The following HGS variants were observed in gnomAD, a reference collection of about 807,000 sequenced individuals.
The protein encoded by HGS is hepatocyte growth factor-regulated tyrosine kinase substrate, also known as human growth factor-regulated tyrosine kinase substrate.
In HGS, 63 loss-of-function variants were observed where a neutral mutation model predicts 109.7. That is an observed-to-expected ratio of 0.57 (90% CI 0.47 to 0.71). The LOEUF is 0.71. Ranked by LOEUF, HGS falls within the 30% of genes least tolerant of loss-of-function variation. The pLI is 0.00. For synonymous variants in HGS, 546 were observed against 437.3 expected (o/e 1.25, Z -3.10); for missense variants, 995 against 1,068.3 (o/e 0.93, Z 0.96).
At chr17:81,696,134 G>A (rs2037142533) in intron 15 of HGS, 135 bp downstream of exon 15, 1 of 931,116 alleles carries the variant, frequency 1.1e-6, no homozygotes, top group East Asian at 2.7e-5. Flanking sequence ...TCCAGAGAGT[G>A]TCAACAGGAG....
intron 2 of HGS, 43 bp from the exon 3 acceptor site, chr17:81,686,269 T>A: frequency 6.5e-7 from 1 of 1,545,728 alleles, no homozygotes; most frequent in Non-Finnish European, 8.9e-7. Context: ...TGAGACTATT[T>A]TTTTCCCGTT....
chr17:81,690,031 TG>T lies in HGS; in HGVS notation c.416-146del, dbSNP rs1178579669. On this transcript the variant is annotated intron_variant, in intron 5 of 21. Transcript: ENST00000329138. ...GAGGCCCCATGGGGACACCCAATCT[TG>T]GGGGCAGGAGGCTGTCTCGGTGCCC... The T allele has an allele frequency of 7.0e-6, 5 of 711,906 alleles. No homozygotes were observed. In the African/African-American group the frequency reaches 7.3e-5, roughly 10 times the overall value. The allele number at this position is 711,906 out of a possible 1,614,324, so 44.1% of individuals were successfully genotyped here. A position where few individuals can be genotyped will look rare whatever the true frequency, so the allele number is the denominator to read the frequency against.
chr17:81,691,345 C>G lies in HGS; in HGVS notation c.538-102C>G. Reference sequence around the variant, plus strand: ...CTGCTTGTCCCTTGCCTTCCCCCACCTGTGAGGCCCAGCTTCGGCATCGTA... The same window carrying G: ...CTGCTTGTCCCTTGCCTTCCCCCACGTGTGAGGCCCAGCTTCGGCATCGTA... On this transcript the variant is annotated intron_variant, in intron 7 of 21. Transcript: ENST00000329138. This position sits in a 1 kb window ranked among gnomAD's most constrained non-coding sequence, Gnocchi z 5.3. The G allele has an allele frequency of 2.1e-6, 3 of 1,460,960 alleles. No individual in the cohort carries two copies. Among genetic ancestry groups the G allele is most frequent in the Non-Finnish European group, 1.9e-6 (2 of 1,063,052 alleles). The allele number at this position is 1,460,960 out of a possible 1,614,324, so 90.5% of individuals were successfully genotyped here. A position where few individuals can be genotyped will look rare whatever the true frequency, so the allele number is the denominator to read the frequency against.
rs1320965036 is a variant in HGS at position 81,701,618 on chromosome 17, A to AC, written c.*3dup. On this transcript the variant is annotated 3_prime_UTR_variant, in exon 22 of 22. Coordinates refer to ENST00000329138, the MANE Select transcript of HGS (RefSeq NM_004712.5). ...AGGCCCAGCTCATTTCATTCGACTG[A>AC]CCCAGGCCATGCTCACGTCCGGAGT... The AC allele has an allele frequency of 2.6e-6, 4 of 1,560,406 alleles. No individual in the cohort carries two copies. The highest frequency in any genetic ancestry group is 2.7e-5 in the African/African-American group (2 of 73,666).
Position 81,691,368 on chromosome 17 carries a change from G to C in HGS, c.538-79G>C, listed in dbSNP as rs1230866867. On this transcript the variant is annotated intron_variant, in intron 7 of 21. Coordinates refer to ENST00000329138, the MANE Select transcript of HGS (RefSeq NM_004712.5). The surrounding 1 kb of genome is among the most constrained non-coding windows in gnomAD (Gnocchi z 5.3). ...ACCTGTGAGGCCCAGCTTCGGCATC[G>C]TACGGGGTGGTTCTGGGCCGGGTGG... 5 of 1,582,246 alleles carry C rather than the reference G, an allele frequency of 3.2e-6. No homozygotes were observed. The Admixed American group carries it at 8.4e-5, about 27-fold the overall frequency.
chr17:81,686,983 C>A lies in HGS; in HGVS notation c.199-20C>A. 6.2e-7 allele frequency: 1 copy of A among 1,605,336 alleles called. No individual in the cohort carries two copies. The highest frequency in any genetic ancestry group is 8.5e-7 in the Non-Finnish European group (1 of 1,174,212). ...TGCCCTGACCACTGGCCCAACCCTT[C>A]CCTTCCTGGGCATCTGCAGGTCATG... On this transcript the variant is annotated intron_variant, in intron 3 of 21. Transcript: ENST00000329138.
chr17:81,690,119 G>A, intron 5 of HGS, 63 bp from the exon 6 acceptor site: 1 of 1,550,818 alleles, frequency 6.4e-7, no homozygotes, highest in Admixed American at 1.7e-5. Flanking sequence ...AGTGAGGAAG[G>A]GGCTCCCGGA....
In HGS at chr17:81,701,913, C is replaced by A; in HGVS notation, c.*295C>A. On this transcript the variant is annotated 3_prime_UTR_variant, in exon 22 of 22. Coordinates refer to ENST00000329138, the MANE Select transcript of HGS (RefSeq NM_004712.5). ...CTGTGAGAGGTGGCAGGAATGGGGA[C>A]CCTCACCCCCCAAGCAGCCTGTGCC... is the stretch of plus-strand genomic sequence containing the variant. The A allele has an allele frequency of 3.5e-6, 1 of 289,240 alleles. No homozygotes were observed. Among genetic ancestry groups the A allele is most frequent in the Non-Finnish European group, 6.4e-6 (1 of 156,096 alleles). The allele number at this position is 289,240 out of a possible 1,614,324, so 17.9% of individuals were successfully genotyped here.
chr17:81,701,432 T>C, intron 21 of HGS, 76 bp from the exon 22 acceptor site: 1 of 1,441,278 alleles, frequency 6.9e-7, no homozygotes, highest in Non-Finnish European at 9.3e-7. Flanking sequence ...GGTCTGTGGC[T>C]CTGCTGGGAC....
At position 81,691,687 on chromosome 17, in the gene HGS, C is replaced by A; in HGVS notation, c.662+116C>A. On this transcript the variant is annotated intron_variant, in intron 8 of 21. Transcript: ENST00000329138. This position sits in a 1 kb window ranked among gnomAD's most constrained non-coding sequence, Gnocchi z 5.3. Reference sequence around the variant, plus strand: ...CAGACCCCAGAGGACCCTCACAGCACAGCAGCTGGAAGGTCAAGGGAAACC... The same window carrying A: ...CAGACCCCAGAGGACCCTCACAGCAAAGCAGCTGGAAGGTCAAGGGAAACC... 1 of 1,369,214 alleles carries A rather than the reference C, an allele frequency of 7.3e-7. No individual in the cohort carries two copies. Among genetic ancestry groups the A allele is most frequent in the Non-Finnish European group, 1.0e-6 (1 of 983,364 alleles). The allele number at this position is 1,369,214 out of a possible 1,614,324, so 84.8% of individuals were successfully genotyped here. A position where few individuals can be genotyped will look rare whatever the true frequency, so the allele number is the denominator to read the frequency against.
rs1438990517 is a variant in HGS, at chr17:81,701,648, C to G, written c.*30C>G. 6.5e-7 allele frequency: 1 copy of G among 1,530,974 alleles called. No homozygotes were observed. Among genetic ancestry groups the G allele is most frequent in the Non-Finnish European group, 8.8e-7 (1 of 1,141,686 alleles). The allele number at this position is 1,530,974 out of a possible 1,614,324, so 94.8% of individuals were successfully genotyped here. A position where few individuals can be genotyped will look rare whatever the true frequency, so the allele number is the denominator to read the frequency against. On this transcript the variant is annotated 3_prime_UTR_variant, in exon 22 of 22. Transcript: ENST00000329138. ...GGCCATGCTCACGTCCGGAGTAACA[C>G]TACATACAGTTCACCTGAAACGCCT...
At chr17:81,690,918 G>T (rs2037053886) in intron 7 of HGS, 176 bp downstream of exon 7, 2 of 567,540 alleles carry the variant, frequency 3.5e-6, no homozygotes, top group South Asian at 2.3e-5. Flanking sequence ...GCCCACGTAA[G>T]GGCCTGATGC....
At position 81,688,573 on chromosome 17, in the gene HGS, G is replaced by C. The variant is rs1458827383; in HGVS notation, c.292-131G>C. The C allele has an allele frequency of 6.1e-6, 7 of 1,144,116 alleles. No individual in the cohort carries two copies. In the South Asian group the frequency reaches 1.0e-4, roughly 17 times the overall value. 70.9% of individuals were successfully genotyped at this position (1,144,116 alleles called of 1,614,324 possible). On this transcript the variant is annotated intron_variant, in intron 4 of 21. Coordinates refer to ENST00000329138, the MANE Select transcript of HGS (RefSeq NM_004712.5). ...GGTGCATGGCCCCCACGCCCCACTC[G>C]GGGGGCCCTCCCTGGCCTCTGTGTC...
chr17:81,696,837 C>G lies in HGS; in HGVS notation c.1721C>G (p.Pro574Arg), dbSNP rs780407803. 6.2e-7 allele frequency: 1 copy of G among 1,610,010 alleles called. No homozygotes were observed. The highest frequency in any genetic ancestry group is 1.1e-5 in the South Asian group (1 of 90,922). The stretch of plus-strand genomic sequence containing the variant: ...TTTTGTCCCCAGCTCCAGGCCATGC[C>G]CGCAGCCGGAGGTGTGCTCTACCAG... The part of the protein sequence containing the change: ...PLPYAQLQAM[P>R]AAGGVLYQPS... Residue 574 changes from proline to arginine, a missense_variant, in exon 18 of 22, where the codon CCC becomes CGC. Pro to Arg is a moderately radical substitution (Grantham distance 103). Transcript: ENST00000329138.
intron 2 of HGS, among the ~76,000 whole-genome samples, chr17:81,686,002 C>T (rs1357279346): frequency 6.6e-6 from 1 of 152,140 alleles, no homozygotes; most frequent in Non-Finnish European, 1.5e-5. Context: ...GTGATCTCAG[C>T]TCACTGCAGC....
intron 6 of HGS, 155 bp from the exon 7 acceptor site, chr17:81,690,519 A>C: frequency 1.4e-6 from 1 of 693,224 alleles, no homozygotes. Context: ...GCTTCACCCC[A>C]GGCCACGCCG....
intron 4 of HGS, among the ~76,000 whole-genome samples, chr17:81,687,444 G>C (rs1208747139): frequency 2.6e-5 from 4 of 152,192 alleles, no homozygotes; most frequent in Non-Finnish European, 4.4e-5. Context: ...AGGGCAGGTG[G>C]TGGCTATCGT....
Position 81,686,997 on chromosome 17 carries a change from C to G in HGS, c.199-6C>G. 6.2e-7 allele frequency: 1 copy of G among 1,611,920 alleles called. No homozygotes were observed. Among genetic ancestry groups the G allele is most frequent in the Non-Finnish European group, 8.5e-7 (1 of 1,179,152 alleles). On this transcript the variant is annotated splice_polypyrimidine_tract_variant and splice_region_variant and intron_variant, in intron 3 of 21. Coordinates refer to ENST00000329138, the MANE Select transcript of HGS (RefSeq NM_004712.5). ...GCCCAACCCTTCCCTTCCTGGGCAT[C>G]TGCAGGTCATGGAATCTGTGGTAAA... is the stretch of plus-strand genomic sequence containing the variant.
intron 4 of HGS, among the ~76,000 whole-genome samples, chr17:81,688,205 C>G (rs1349131879): frequency 6.6e-6 from 1 of 151,504 alleles, no homozygotes; most frequent in African/African-American, 2.5e-5. Context: ...AGGCTGCGCT[C>G]TAACCGGGGG....
Sources: allele counts gnomAD v4.1 joint callset (sites outside exome capture counted in the v4.1 genomes callset), GRCh38; gene constraint gnomAD v4.1.1; non-coding constraint Gnocchi (gnomAD v3.1); transcripts MANE v1.5; gene names NCBI Gene and HGNC (gene_info 2026-07-23, HGNC 2026-07-21).